UBAC2: variants seen among roughly 807,000 people sequenced by gnomAD.
The protein encoded by UBAC2 is ubiquitin-associated domain-containing protein 2.
Under a neutral mutation model 44.0 loss-of-function variants are expected in UBAC2, and 26 were observed. That is an observed-to-expected ratio of 0.59 (90% CI 0.43 to 0.82). UBAC2 has a LOEUF of 0.82. Ranked by LOEUF, UBAC2 falls within the 40% of genes least tolerant of loss-of-function variation. The probability of loss-of-function intolerance (pLI) is 0.00; values close to 1 mark genes in which losing one functional copy is unlikely to be tolerated. For synonymous variants in UBAC2, 155 were observed against 154.3 expected (o/e 1.00, Z -0.04); for missense variants, 329 against 419.4 (o/e 0.78, Z 1.88).
chr13:99,228,478 G>A (rs2043136618), intron 1 of UBAC2, among the ~76,000 whole-genome samples: 1 of 152,012 alleles, frequency 6.6e-6, no homozygotes, highest in Admixed American at 6.5e-5. Context: ...ATTTTTAGTA[G>A]TGACGGGGCT....
intron 4 of UBAC2, among the ~76,000 whole-genome samples, chr13:99,311,811 G>A (rs2044414547): frequency 2.6e-5 from 4 of 152,218 alleles, no homozygotes; most frequent in Admixed American, 2.6e-4. Flanking sequence ...AGGAGAACCA[G>A]GACTGCCTCT....
At chr13:99,223,885 A>ACT (rs2043080886) in intron 1 of UBAC2, among the ~76,000 whole-genome samples, 1 of 151,166 alleles carries the variant, frequency 6.6e-6, no homozygotes, top group Non-Finnish European at 1.5e-5. Context: ...TTTTTTGAGG[A>ACT]CTCTTTTATG....
chr13:99,265,278 C>T (rs996845289), intron 4 of UBAC2, among the ~76,000 whole-genome samples: 7 of 152,232 alleles, frequency 4.6e-5, no homozygotes, highest in African/African-American at 1.2e-4. Context: ...TCAGCTCATA[C>T]AGCTTCTTGC....
At chr13:99,212,451 T>C (rs551444617) in intron 1 of UBAC2, among the ~76,000 whole-genome samples, 1 of 152,352 alleles carries the variant, frequency 6.6e-6, no homozygotes, top group African/African-American at 2.4e-5. Context: ...ATTTAGTCCC[T>C]TCAGTGGACG....
chr13:99,337,656 T>C (rs2044808998), intron 6 of UBAC2, among the ~76,000 whole-genome samples: 1 of 152,228 alleles, frequency 6.6e-6, no homozygotes, highest in Non-Finnish European at 1.5e-5. Context: ...ATTCCCTCTG[T>C]TGTCTTCTTC....
At chr13:99,231,185 C>T (rs1379527828) in intron 1 of UBAC2, among the ~76,000 whole-genome samples, 1 of 152,176 alleles carries the variant, frequency 6.6e-6, no homozygotes, top group Non-Finnish European at 1.5e-5. Context: ...AACATAGTCA[C>T]AGGTTCTGGG....
At chr13:99,340,597 A>G in intron 7 of UBAC2, 32 bp downstream of exon 7, 1 of 1,594,668 alleles carries the variant, frequency 6.3e-7, no homozygotes. Flanking sequence ...AAAAATTTAG[A>G]AATTCTCAGT....
intron 1 of UBAC2, among the ~76,000 whole-genome samples, chr13:99,237,886 T>G (rs2043257102): frequency 6.6e-6 from 1 of 151,926 alleles, no homozygotes; most frequent in Non-Finnish European, 1.5e-5. Flanking sequence ...ACCTGGGAGG[T>G]GGAGGTTGCA....
chr13:99,271,187 G>T (rs929571444), intron 4 of UBAC2, among the ~76,000 whole-genome samples: 1 of 152,144 alleles, frequency 6.6e-6, no homozygotes, highest in Non-Finnish European at 1.5e-5. Context: ...GATCTGTGTT[G>T]TACAAAACTA....
chr13:99,370,795 T>C (rs1388320086), intron 8 of UBAC2, among the ~76,000 whole-genome samples: 1 of 152,170 alleles, frequency 6.6e-6, no homozygotes, highest in Admixed American at 6.5e-5. Flanking sequence ...TTTCAGCAGC[T>C]CTTCAGGATT....
intron 4 of UBAC2, among the ~76,000 whole-genome samples, chr13:99,276,878 T>C (rs771237434): frequency 1.3e-5 from 2 of 152,218 alleles, no homozygotes; most frequent in African/African-American, 2.4e-5. Context: ...TTTTGTAGAA[T>C]ACCACAGCCA....
rs1254937165 is a variant in UBAC2, at chr13:99,385,340, C to G, written c.*5C>G. 1 of 1,611,568 alleles carries G rather than the reference C, an allele frequency of 6.2e-7. No individual in the cohort carries two copies. The highest frequency in any genetic ancestry group is 8.5e-7 in the Non-Finnish European group (1 of 1,177,782). On this transcript the variant is annotated 3_prime_UTR_variant, in exon 9 of 9. Coordinates refer to ENST00000403766, the MANE Select transcript of UBAC2 (RefSeq NM_001144072.2). Reference sequence around the variant, plus strand: ...AACTTCCTGCTGCAGCACTGATAGTCCCAGGCCAACACTGGGACCGGACCG... The same window carrying G: ...AACTTCCTGCTGCAGCACTGATAGTGCCAGGCCAACACTGGGACCGGACCG...
At chr13:99,314,499 A>T (rs2044461036) in intron 5 of UBAC2, among the ~76,000 whole-genome samples, 2 of 152,230 alleles carry the variant, frequency 1.3e-5, no homozygotes, top group South Asian at 4.1e-4. Flanking sequence ...GTACAATTGC[A>T]TGTGCGTACT....
chr13:99,348,700 T>TA (rs2045031097), intron 7 of UBAC2, among the ~76,000 whole-genome samples: 2 of 152,244 alleles, frequency 1.3e-5, no homozygotes, highest in African/African-American at 4.8e-5. Flanking sequence ...TTAGTCATAA[T>TA]ATGAACGTTG....
chr13:99,249,075 TG>T lies in UBAC2; in HGVS notation c.389+4452del. On this transcript the variant is annotated intron_variant, in intron 4 of 8. Transcript: ENST00000403766. ...GGGGTACATGTGAAGGTTTGTTTTA[TG>T]AGTATATTGCATGATGCTGAGGTTT... Among the ~76,000 whole-genome samples the T allele has an allele frequency of 2.0e-5, 3 of 152,332 alleles. No homozygotes were observed. The Middle Eastern group carries it at 0.01, about 518-fold the overall frequency.
In UBAC2 at chr13:99,315,901, C is replaced by T. The variant is rs565820612; in HGVS notation, c.513+1681C>T. On this transcript the variant is annotated intron_variant, in intron 5 of 8. Coordinates refer to ENST00000403766, the MANE Select transcript of UBAC2 (RefSeq NM_001144072.2). Reference sequence around the variant, plus strand: ...AAGAGGCACAGCATGGCCTTCATCACGGGGCCATTGTAGTAGGTTGGTGCA... The same window carrying T: ...AAGAGGCACAGCATGGCCTTCATCATGGGGCCATTGTAGTAGGTTGGTGCA... 5.9e-5 allele frequency among the ~76,000 whole-genome samples: 9 copies of T among 151,808 alleles called. No homozygotes were observed. In the East Asian group the frequency reaches 7.8e-4, roughly 13 times the overall value.
chr13:99,327,472 TTCTC>T (rs377361851), intron 6 of UBAC2, among the ~76,000 whole-genome samples: 5 of 149,766 alleles, frequency 3.3e-5, no homozygotes, highest in African/African-American at 4.9e-5. Context: ...TTTTTGGTTT[TTCTC>T]TCTCTCTCTG....
chr13:99,238,320 T>G, intron 1 of UBAC2, 107 bp from the exon 2 acceptor site: 1 of 1,414,228 alleles, frequency 7.1e-7, no homozygotes, highest in South Asian at 1.4e-5. Flanking sequence ...TTCTGGACTT[T>G]GTCTTCATTC....
At chr13:99,209,695 T>G (rs1471123036) in intron 1 of UBAC2, among the ~76,000 whole-genome samples, 1 of 152,130 alleles carries the variant, frequency 6.6e-6, no homozygotes, top group Non-Finnish European at 1.5e-5. Context: ...TTTTAGCGGC[T>G]GGGCATAGTG....
Sources: gnomAD v4.1 joint callset for allele counts (sites outside exome capture counted in the v4.1 genomes callset) on GRCh38, gnomAD v4.1.1 for gene constraint, MANE v1.5 for transcripts, NCBI Gene and HGNC (gene_info 2026-07-23, HGNC 2026-07-21) for gene names.